Variants in CYP19A1 observed in about 807,000 individuals in gnomAD.
CYP19A1 encodes cytochrome P450 family 19 subfamily A member 1, also known as aromatase.
CYP19A1 carries 32 observed loss-of-function variants against 44.4 expected under a neutral mutation model. That is an observed-to-expected ratio of 0.72 (90% confidence interval 0.54 to 0.97). The LOEUF is 0.97. Among genes scored for constraint, CYP19A1 ranks in the 50% least tolerant of loss-of-function variants. The pLI is 0.00. For missense variants in CYP19A1, 598 were observed against 637.8 expected (o/e 0.94, Z 0.67); for synonymous variants, 212 against 215.6 (o/e 0.98, Z 0.14).
At chr15:51,314,419 C>A (rs1434864129) in intron 1 of CYP19A1, among the ~76,000 whole-genome samples, 3 of 152,162 alleles carry the variant, frequency 2.0e-5, no homozygotes, top group Non-Finnish European at 2.9e-5. Flanking sequence ...CACAGACCCC[C>A]TGAGGTTCCT....
chr15:51,287,581 G>T (rs2035736726), intron 1 of CYP19A1, among the ~76,000 whole-genome samples: 1 of 152,300 alleles, frequency 6.6e-6, no homozygotes, highest in African/African-American at 2.4e-5. Flanking sequence ...TGCAGGCTTT[G>T]TCTCCTGGGC....
intron 4 of CYP19A1, among the ~76,000 whole-genome samples, chr15:51,225,541 G>A (rs2032501190): frequency 6.6e-6 from 1 of 152,168 alleles, no homozygotes; most frequent in Non-Finnish European, 1.5e-5. Context: ...GGTAGCAAGT[G>A]GCAGTGCTGG....
chr15:51,284,779 A>G (rs1566911614), intron 1 of CYP19A1, among the ~76,000 whole-genome samples: 1 of 152,238 alleles, frequency 6.6e-6, no homozygotes, highest in Non-Finnish European at 1.5e-5. Flanking sequence ...TGCACATACA[A>G]AGAGCTGGGA....
intron 4 of CYP19A1, among the ~76,000 whole-genome samples, chr15:51,226,368 G>T (rs2032579481): frequency 1.3e-5 from 2 of 152,210 alleles, no homozygotes; most frequent in Admixed American, 6.5e-5. Flanking sequence ...TGAGATCCAT[G>T]TCAGACTTCT....
At chr15:51,289,112 G>T (rs1018887984) in intron 1 of CYP19A1, among the ~76,000 whole-genome samples, 1 of 152,140 alleles carries the variant, frequency 6.6e-6, no homozygotes, top group African/African-American at 2.4e-5. Context: ...GGTGGGTACA[G>T]GTCCCTGAGA....
intron 1 of CYP19A1, among the ~76,000 whole-genome samples, chr15:51,269,800 C>T (rs1355522781): frequency 6.6e-6 from 1 of 152,204 alleles, no homozygotes; most frequent in Admixed American, 6.5e-5. Flanking sequence ...AAGCCCTTTC[C>T]ACACAACTCG....
Position 51,248,827 on chromosome 15 carries a change from C to A in CYP19A1, c.-38-5877G>T, listed in dbSNP as rs543166888. 8.5e-4 allele frequency among the ~76,000 whole-genome samples: 129 copies of A among 152,286 alleles called. 5 individuals are homozygous for A. The South Asian group carries it at 0.025, about 30-fold the overall frequency. ...CTCAGACCTTCTCTTTCACTCTGTT[C>A]TGCACATTGCTGCCAGATTTGCTTT... On this transcript the variant is annotated intron_variant, in intron 1 of 9. Transcript: ENST00000396402.
intron 1 of CYP19A1, among the ~76,000 whole-genome samples, chr15:51,292,967 T>C (rs891898792): frequency 6.6e-6 from 1 of 152,078 alleles, no homozygotes; most frequent in African/African-American, 2.4e-5. Flanking sequence ...CCACTGCCCA[T>C]GGTGTCTTGG....
At chr15:51,233,611 T>C (rs903307281) in intron 3 of CYP19A1, among the ~76,000 whole-genome samples, 3 of 152,218 alleles carry the variant, frequency 2.0e-5, no homozygotes, top group Admixed American at 6.5e-5. Flanking sequence ...AGGAAGCCCC[T>C]GTAAATGATG....
chr15:51,299,656 C>T (rs778180588), intron 1 of CYP19A1, among the ~76,000 whole-genome samples: 4 of 152,240 alleles, frequency 2.6e-5, no homozygotes, highest in Non-Finnish European at 5.9e-5. Flanking sequence ...AATGAGCACC[C>T]TCAGTGAGAA....
intron 1 of CYP19A1, among the ~76,000 whole-genome samples, chr15:51,245,424 C>A (rs1036786044): frequency 1.3e-5 from 2 of 152,218 alleles, no homozygotes; most frequent in African/African-American, 4.8e-5. Context: ...ATGTGCCATG[C>A]TGGTGTGCTG....
intron 1 of CYP19A1, among the ~76,000 whole-genome samples, chr15:51,330,831 G>T (rs1188002354): frequency 6.6e-6 from 1 of 152,200 alleles, no homozygotes; most frequent in East Asian, 1.9e-4. Context: ...TTTGAAAGTT[G>T]CAGAGACTTC....
In CYP19A1 at chr15:51,215,597, T is replaced by C. The variant is rs2289107; in HGVS notation, c.858+106A>G. 0.063 allele frequency: 100,304 copies of C among 1,595,314 alleles called. 8,242 individuals are homozygous for C. The highest frequency in any genetic ancestry group is 0.32 in the African/African-American group (23,919 of 74,488). On this transcript the variant is annotated intron_variant, in intron 7 of 9. Coordinates refer to ENST00000396402, the MANE Select transcript of CYP19A1 (RefSeq NM_000103.4). ...GGGATTACAGAACTGCTAGAGAAAG[T>C]ATTTAAAAGCAGAAATATGCAACAG...
chr15:51,217,707 C>A (rs2031708340), intron 6 of CYP19A1, among the ~76,000 whole-genome samples: 1 of 152,154 alleles, frequency 6.6e-6, no homozygotes, highest in African/African-American at 2.4e-5. Flanking sequence ...ATATTTAGTA[C>A]CCTCTATGTG....
At chr15:51,230,193 G>A (rs2032918007) in intron 3 of CYP19A1, among the ~76,000 whole-genome samples, 2 of 152,254 alleles carry the variant, frequency 1.3e-5, no homozygotes, top group Admixed American at 6.5e-5. Context: ...AAAGTGAAGA[G>A]AAGGTCAGTG....
chr15:51,246,858 C>G (rs527298419), intron 1 of CYP19A1, among the ~76,000 whole-genome samples: 1 of 152,204 alleles, frequency 6.6e-6, no homozygotes, highest in Non-Finnish European at 1.5e-5. Flanking sequence ...CTTGCACTCC[C>G]TCTTATTCTC....
chr15:51,313,647 A>G (rs2036361259), intron 1 of CYP19A1, among the ~76,000 whole-genome samples: 1 of 152,068 alleles, frequency 6.6e-6, no homozygotes, highest in Admixed American at 6.5e-5. Context: ...AAATACAAAA[A>G]TTAGCTGGGC....
intron 2 of CYP19A1, among the ~76,000 whole-genome samples, chr15:51,237,812 A>G (rs1405825503): frequency 6.6e-6 from 1 of 152,228 alleles, no homozygotes; most frequent in Non-Finnish European, 1.5e-5. Flanking sequence ...ATCAGAGAAC[A>G]ACCTTGGTAG....
At chr15:51,254,297 C>T (rs1411957578) in intron 1 of CYP19A1, among the ~76,000 whole-genome samples, 1 of 152,122 alleles carries the variant, frequency 6.6e-6, no homozygotes, top group Admixed American at 6.6e-5. Context: ...GTCTCATAGT[C>T]GACAAGAACT....
Sources: allele counts gnomAD v4.1 joint callset (sites outside exome capture counted in the v4.1 genomes callset), GRCh38; gene constraint gnomAD v4.1.1; transcripts MANE v1.5; gene names NCBI Gene and HGNC (gene_info 2026-07-23, HGNC 2026-07-21).